DMD: variants seen among roughly 807,000 people sequenced by gnomAD.
The protein encoded by DMD is dystrophin.
Under a neutral mutation model 330.1 loss-of-function variants are expected in DMD, and 63 were observed. That is an observed-to-expected ratio of 0.19 (90% CI 0.16 to 0.24). The LOEUF (loss-of-function observed/expected upper bound fraction) is 0.24, where lower values mean the gene tolerates loss of function less well. Ranked by LOEUF, DMD falls within the 10% of genes least tolerant of loss-of-function variation. The probability of loss-of-function intolerance (pLI) is 1.00; values close to 1 mark genes in which losing one functional copy is unlikely to be tolerated. For missense variants in DMD, 3,344 were observed against 2,684.1 expected, an observed-to-expected ratio of 1.25 and a Z score of -5.43; for synonymous variants, 1,223 against 959.8, an observed-to-expected ratio of 1.27 and a Z score of -5.07.
At chrX:31,925,706 T>C (rs1305277848) in intron 47 of DMD, among the ~76,000 whole-genome samples, 4 of 109,879 alleles carry the variant, frequency 3.6e-5, no homozygotes, top group Admixed American at 2.9e-4. Flanking sequence ...ACCCCGTCTC[T>C]ACTTAAAATA....
chrX:32,432,591 T>C (rs1211503432), intron 29 of DMD, among the ~76,000 whole-genome samples: 2 of 112,144 alleles, frequency 1.8e-5, no homozygotes, highest in Non-Finnish European at 1.9e-5. Flanking sequence ...TAATCAAATC[T>C]ATTTCATAAA....
At chrX:31,848,040 CTG>C (rs745954868) in intron 48 of DMD, among the ~76,000 whole-genome samples, 2 of 110,742 alleles carry the variant, frequency 1.8e-5, no homozygotes, top group Admixed American at 9.6e-5. Flanking sequence ...GTTGTGTATA[CTG>C]TGTGTGTGTG....
chrX:31,441,367 T>C (rs1472913907), intron 60 of DMD, among the ~76,000 whole-genome samples: 1 of 111,127 alleles, frequency 9.0e-6, no homozygotes, highest in Non-Finnish European at 1.9e-5. Context: ...CAGGTAAGTT[T>C]TGTATTTTTA....
chrX:31,196,999 A>G (rs2042972790), intron 67 of DMD, among the ~76,000 whole-genome samples: 1 of 111,241 alleles, frequency 9.0e-6, no homozygotes, highest in Non-Finnish European at 1.9e-5. Flanking sequence ...TGTTATAGAT[A>G]AAAGCAACTG....
chrX:33,138,311 G>A (rs183220694), intron 1 of DMD, among the ~76,000 whole-genome samples: 353 of 111,608 alleles, frequency 3.2e-3, no homozygotes, highest in Non-Finnish European at 5.4e-3. Flanking sequence ...CTATTCGACA[G>A]GAAGAAACAT....
At chrX:32,429,738 A>G (rs10522001) in intron 29 of DMD, among the ~76,000 whole-genome samples, 19,148 of 108,418 alleles carry the variant, frequency 0.18, 1,496 homozygotes, top group African/African-American at 0.28. Context: ...TCGACATTTA[A>G]TCACTATCTC....
chrX:31,168,419 G>A (rs1418278238), intron 74 of DMD, among the ~76,000 whole-genome samples: 1 of 111,066 alleles, frequency 9.0e-6, no homozygotes, highest in African/African-American at 3.3e-5. Flanking sequence ...AGAGACTAAA[G>A]GGAAGCCAAC....
intron 15 of DMD, among the ~76,000 whole-genome samples, chrX:32,570,150 G>T (rs888134345): frequency 2.7e-5 from 3 of 111,624 alleles, no homozygotes; most frequent in Admixed American, 9.6e-5. Flanking sequence ...ATACTATTTT[G>T]AAACAAATTA....
At chrX:33,233,622 A>G (rs2052426787) in intron 1 of DMD, among the ~76,000 whole-genome samples, 1 of 112,315 alleles carries the variant, frequency 8.9e-6, no homozygotes, top group African/African-American at 3.2e-5. Context: ...AGAACAGATT[A>G]ATGGTTGCCA....
chrX:33,338,755 G>A (rs1054454125), intron 1 of DMD, among the ~76,000 whole-genome samples: 2 of 111,392 alleles, frequency 1.8e-5, no homozygotes, highest in Non-Finnish European at 3.8e-5. Context: ...AATGTCAAAA[G>A]CTAGAAATTG....
chrX:31,188,229 T>C (rs1439045919), intron 67 of DMD, among the ~76,000 whole-genome samples: 1 of 111,571 alleles, frequency 9.0e-6, no homozygotes, highest in Admixed American at 9.6e-5. Context: ...TGTATCCTAG[T>C]GGTATATTCC....
At chrX:33,086,786 T>C (rs2095013151) in intron 1 of DMD, among the ~76,000 whole-genome samples, 2 of 108,482 alleles carry the variant, frequency 1.8e-5, no homozygotes, top group Admixed American at 2.0e-4. Flanking sequence ...TATATATGTT[T>C]ATATATATTT....
At chrX:31,448,604 C>T (rs982406250) in intron 59 of DMD, among the ~76,000 whole-genome samples, 3 of 112,362 alleles carry the variant, frequency 2.7e-5, no homozygotes, top group South Asian at 3.7e-4. Flanking sequence ...GCACAGTTAA[C>T]GCTGAGCAAT....
chrX:32,229,441 T>A (rs1003755477), intron 43 of DMD, among the ~76,000 whole-genome samples: 20 of 107,726 alleles, frequency 1.9e-4, no homozygotes, highest in African/African-American at 6.4e-4. Flanking sequence ...TTGTTTATAT[T>A]ATTCCTTTTC....
intron 7 of DMD, among the ~76,000 whole-genome samples, chrX:32,721,879 A>C (rs992473819): frequency 6.4e-5 from 7 of 108,712 alleles, no homozygotes; most frequent in African/African-American, 2.0e-4. Context: ...GTATAAGACA[A>C]GGGTACAATT....
intron 29 of DMD, among the ~76,000 whole-genome samples, chrX:32,414,340 A>G (rs2098157714): frequency 8.9e-6 from 1 of 112,069 alleles, no homozygotes; most frequent in Non-Finnish European, 1.9e-5. Flanking sequence ...TTGATTTGAC[A>G]AGTAAAAATT....
At chrX:31,507,749 C>T (rs1001928803) in intron 55 of DMD, among the ~76,000 whole-genome samples, 4 of 111,901 alleles carry the variant, frequency 3.6e-5, no homozygotes, top group African/African-American at 1.3e-4. Flanking sequence ...GTTATATCTT[C>T]TAGTCTATGG....
intron 11 of DMD, among the ~76,000 whole-genome samples, chrX:32,635,626 T>A (rs1210060038): frequency 1.8e-5 from 2 of 112,324 alleles, no homozygotes; most frequent in Non-Finnish European, 3.8e-5. Context: ...GCTTGAGTAG[T>A]GCATGTACAA....
intron 2 of DMD, among the ~76,000 whole-genome samples, chrX:32,859,163 C>G (rs946408590): frequency 9.0e-6 from 1 of 111,118 alleles, no homozygotes; most frequent in Non-Finnish European, 1.9e-5. Flanking sequence ...TGACCAAATT[C>G]TAGGTGTAAA....
Sources: allele counts gnomAD v4.1 joint callset (sites outside exome capture counted in the v4.1 genomes callset), GRCh38; gene constraint gnomAD v4.1.1; transcripts MANE v1.5; gene names NCBI Gene and HGNC (gene_info 2026-07-23, HGNC 2026-07-21).